MYRIP: variants seen among roughly 807,000 people sequenced by gnomAD.
MYRIP encodes the protein rab effector MyRIP.
MYRIP carries 49 observed loss-of-function variants against 98.0 expected under a neutral mutation model. The ratio of observed to expected loss-of-function variants is 0.50; its 90% CI spans 0.40 to 0.63. The LOEUF is 0.63. Among genes scored for constraint, MYRIP ranks in the 30% least tolerant of loss-of-function variants. The probability of loss-of-function intolerance (pLI) is 0.00; values close to 1 mark genes in which losing one functional copy is unlikely to be tolerated. For missense variants in MYRIP, 1,004 were observed against 1,058.2 expected (o/e 0.95, Z 0.71); for synonymous variants, 404 against 409.5 (o/e 0.99, Z 0.16).
At chr3:40,078,312 C>G (rs966091570) in intron 3 of MYRIP, among the ~76,000 whole-genome samples, 1 of 152,212 alleles carries the variant, frequency 6.6e-6, no homozygotes, top group African/African-American at 2.4e-5. Context: ...CTCTCTCCCT[C>G]CACACCTCCC....
intron 3 of MYRIP, among the ~76,000 whole-genome samples, chr3:40,139,106 T>C (rs951439145): frequency 6.6e-6 from 1 of 152,232 alleles, no homozygotes; most frequent in African/African-American, 2.4e-5. Flanking sequence ...TTTCACTTAA[T>C]GTAATGTCCT....
intron 4 of MYRIP, among the ~76,000 whole-genome samples, chr3:40,154,193 C>T (rs558604043): frequency 6.6e-6 from 1 of 152,096 alleles, no homozygotes; most frequent in South Asian, 2.1e-4. Context: ...TCTCACGTAT[C>T]ACCCATCACA....
At chr3:39,860,722 C>T (rs571983933) in intron 1 of MYRIP, among the ~76,000 whole-genome samples, 43 of 152,204 alleles carry the variant, frequency 2.8e-4, no homozygotes, top group Non-Finnish European at 5.9e-4. Flanking sequence ...GCCCCAACTA[C>T]AGCCTCCTCC....
chr3:40,124,629 G>T (rs1239659477), intron 3 of MYRIP, among the ~76,000 whole-genome samples: 2 of 152,232 alleles, frequency 1.3e-5, no homozygotes, highest in African/African-American at 4.8e-5. Context: ...TGGAGAGAAA[G>T]GCTGGCTTTT....
intron 3 of MYRIP, among the ~76,000 whole-genome samples, chr3:40,120,120 A>G (rs1019133124): frequency 6.6e-6 from 1 of 152,188 alleles, no homozygotes; most frequent in Non-Finnish European, 1.5e-5. Context: ...TTAATTAATT[A>G]CACTGCAACC....
chr3:40,198,117 C>A (rs1476614219), intron 10 of MYRIP, among the ~76,000 whole-genome samples: 1 of 152,146 alleles, frequency 6.6e-6, no homozygotes, highest in Admixed American at 6.5e-5. Flanking sequence ...ACTACACCTC[C>A]CAGGATGCAA....
At chr3:40,131,290 A>G (rs1051922116) in intron 3 of MYRIP, among the ~76,000 whole-genome samples, 12 of 152,064 alleles carry the variant, frequency 7.9e-5, no homozygotes, top group Non-Finnish European at 2.9e-5. Context: ...TCTTATCTAT[A>G]TTTATCTCCA....
At chr3:39,861,007 G>A (rs975005511) in intron 1 of MYRIP, among the ~76,000 whole-genome samples, 1 of 152,234 alleles carries the variant, frequency 6.6e-6, no homozygotes. Flanking sequence ...GCGTTCTGCT[G>A]CACTGCTGCT....
chr3:40,154,830 G>A lies in MYRIP; in HGVS notation c.469+3646G>A, dbSNP rs193109967. ...ATTTTTAACAGTTATCCTAAAAGAA[G>A]CACTACATGAAAAAGGTAAAAGTTG... On this transcript the variant is annotated intron_variant, in intron 4 of 16. Transcript: ENST00000302541. Among the ~76,000 whole-genome samples, 70 of 151,954 alleles carry A rather than the reference G, an allele frequency of 4.6e-4. No homozygotes were observed. In the Middle Eastern group the frequency reaches 0.01, roughly 22 times the overall value.
intron 2 of MYRIP, among the ~76,000 whole-genome samples, chr3:40,010,596 G>A (rs1369074136): frequency 6.6e-6 from 1 of 152,186 alleles, no homozygotes; most frequent in Non-Finnish European, 1.5e-5. Context: ...CTTTAAAACA[G>A]GGTTGGTTTT....
chr3:39,968,614 T>C (rs1945500266), intron 2 of MYRIP, among the ~76,000 whole-genome samples: 1 of 152,194 alleles, frequency 6.6e-6, no homozygotes, highest in Non-Finnish European at 1.5e-5. Flanking sequence ...TTGTCAGTTT[T>C]CTTGAAGATC....
At chr3:40,247,978 G>A (rs1053398844) in intron 13 of MYRIP, among the ~76,000 whole-genome samples, 5 of 152,230 alleles carry the variant, frequency 3.3e-5, no homozygotes, top group East Asian at 1.9e-4. Context: ...CAACTGCACC[G>A]CCAGGCATGC....
chr3:39,955,996 C>T, intron 2 of MYRIP, among the ~76,000 whole-genome samples: 1 of 152,152 alleles, frequency 6.6e-6, no homozygotes, highest in Non-Finnish European at 1.5e-5. Context: ...AATATATATG[C>T]ACCCAATACA....
chr3:40,196,073 T>A (rs1299509884), intron 10 of MYRIP, among the ~76,000 whole-genome samples: 1 of 152,112 alleles, frequency 6.6e-6, no homozygotes, highest in Non-Finnish European at 1.5e-5. Context: ...TTATGCATCC[T>A]CTAGTTTATA....
At chr3:39,919,925 A>G (rs1210802189) in intron 2 of MYRIP, among the ~76,000 whole-genome samples, 1 of 152,104 alleles carries the variant, frequency 6.6e-6, no homozygotes, top group Non-Finnish European at 1.5e-5. Context: ...TTTGTTTTGT[A>G]GCTAGAGTAT....
At chr3:40,219,347 TATC>T (rs1190485429) in intron 11 of MYRIP, among the ~76,000 whole-genome samples, 3 of 152,342 alleles carry the variant, frequency 2.0e-5, no homozygotes, top group South Asian at 4.1e-4. Flanking sequence ...ACTTTATTAT[TATC>T]ATAGTTTAAG....
chr3:40,205,975 G>T (rs1416287150), intron 10 of MYRIP, among the ~76,000 whole-genome samples: 4 of 152,142 alleles, frequency 2.6e-5, no homozygotes, highest in African/African-American at 9.7e-5. Context: ...CTAGGAAGTA[G>T]ATTTATTCTT....
intron 9 of MYRIP, among the ~76,000 whole-genome samples, chr3:40,182,828 G>A (rs911903620): frequency 6.6e-6 from 1 of 152,220 alleles, no homozygotes; most frequent in African/African-American, 2.4e-5. Context: ...CCTTAGGGCT[G>A]GTTTTAAGGA....
chr3:40,155,433 A>G (rs1950209943), intron 4 of MYRIP, among the ~76,000 whole-genome samples: 1 of 152,016 alleles, frequency 6.6e-6, no homozygotes, highest in Non-Finnish European at 1.5e-5. Flanking sequence ...GCTATTGTGA[A>G]TAATGCCGCA....
Sources: allele counts gnomAD v4.1 joint callset (sites outside exome capture counted in the v4.1 genomes callset), GRCh38; gene constraint gnomAD v4.1.1; transcripts MANE v1.5; gene names NCBI Gene and HGNC (gene_info 2026-07-23, HGNC 2026-07-21).